The following LDLRAD4 variants were observed in gnomAD, a reference collection of about 807,000 sequenced individuals.
LDLRAD4 encodes the protein low density lipoprotein receptor class A domain containing 4.
In LDLRAD4, 5 loss-of-function variants were observed where a neutral mutation model predicts 17.0. The observed-to-expected ratio is 0.29, with a 90% CI of 0.15 to 0.62. The LOEUF is 0.62. LDLRAD4 is among the 20% of genes least tolerant of loss of function. The pLI, the probability that LDLRAD4 is intolerant of heterozygous loss-of-function variation, is 0.84. For missense variants in LDLRAD4, 340 were observed against 424.7 expected, an observed-to-expected ratio of 0.80 and a Z score of 1.75; for synonymous variants, 168 against 171.8, an observed-to-expected ratio of 0.98 and a Z score of 0.17.
chr18:13,625,740 A>G (rs969180691), intron 4 of LDLRAD4, among the ~76,000 whole-genome samples: 6 of 8,564 alleles, frequency 7.0e-4, no homozygotes, highest in African/African-American at 2.8e-3. Context: ...TCCTCCCCCC[A>G]CCAGAGCCCT....
At position 13,224,627 on chromosome 18, in the gene LDLRAD4, G is replaced by A. The variant is rs563732110; in HGVS notation, c.-467+5639G>A. Among the ~76,000 whole-genome samples, 8 of 151,586 alleles carry A rather than the reference G, an allele frequency of 5.3e-5. No homozygotes were observed. In the East Asian group the frequency reaches 1.6e-3, roughly 29 times the overall value. ...CCCGAGTAGCTGGGATTACAGGCAC[G>A]TGCCACCACGCCCGGCTAATTTTTT... On this transcript the variant is annotated intron_variant, in intron 1 of 5. Coordinates refer to the LDLRAD4 transcript ENST00000399848.
At chr18:13,459,845 G>C (rs79318448) in intron 3 of LDLRAD4, 2,073 of 153,992 alleles carry the variant, frequency 0.013, 56 homozygotes, top group African/African-American at 0.047. Context: ...TAAGGAGCAC[G>C]TGCAGGATAT....
chr18:13,326,392 T>TA lies in LDLRAD4; in HGVS notation c.-383+48207dup, dbSNP rs372883059. On this transcript the variant is annotated intron_variant, in intron 1 of 5. Coordinates refer to ENST00000359446, the Ensembl canonical transcript of LDLRAD4. ...GAATGTTTGAAGAGAAAAAAGGGCG[T>TA]AAAGGAAGAATCAATTATGCAGATG... Among the ~76,000 whole-genome samples the TA allele has an allele frequency of 4.6e-4, 70 of 152,226 alleles. 2 individuals carry two copies. In the East Asian group the frequency reaches 0.012, roughly 26 times the overall value.
chr18:13,506,228 T>A (rs8092693), intron 3 of LDLRAD4, among the ~76,000 whole-genome samples: 27,854 of 151,884 alleles, frequency 0.18, 3,138 homozygotes, highest in Middle Eastern at 0.38. Flanking sequence ...CTTTTTTTTT[T>A]TTATTATTAT....
chr18:13,481,316 C>T (rs1164900952), intron 3 of LDLRAD4, among the ~76,000 whole-genome samples: 1 of 152,214 alleles, frequency 6.6e-6, no homozygotes, highest in Non-Finnish European at 1.5e-5. Flanking sequence ...ACTTCCCTCT[C>T]CTGTGCCTCA....
intron 1 of LDLRAD4, among the ~76,000 whole-genome samples, chr18:13,311,507 A>G (rs2047230948): frequency 6.6e-6 from 1 of 152,228 alleles, no homozygotes; most frequent in South Asian, 2.1e-4. Flanking sequence ...GTGTCCTCTG[A>G]GGATGAGTGT....
intron 1 of LDLRAD4, among the ~76,000 whole-genome samples, chr18:13,292,316 A>C (rs763352247): frequency 2.7e-4 from 41 of 152,214 alleles, no homozygotes; most frequent in Non-Finnish European, 4.7e-4. Flanking sequence ...TGCCCTGGGC[A>C]TATTTGTGGC....
chr18:13,643,117 G>A (rs542747525), intron 4 of LDLRAD4, among the ~76,000 whole-genome samples: 1 of 151,990 alleles, frequency 6.6e-6, no homozygotes, highest in African/African-American at 2.4e-5. Flanking sequence ...TGTATTTTTA[G>A]TAGAGACGGG....
chr18:13,510,493 CT>C (rs949406771), intron 3 of LDLRAD4, among the ~76,000 whole-genome samples: 5 of 147,088 alleles, frequency 3.4e-5, no homozygotes, highest in African/African-American at 1.3e-4. Context: ...TAGAAATCAT[CT>C]TTGATATAAT....
At chr18:13,567,604 G>C (rs1283830236) in intron 3 of LDLRAD4, among the ~76,000 whole-genome samples, 1 of 152,160 alleles carries the variant, frequency 6.6e-6, no homozygotes, top group Non-Finnish European at 1.5e-5. Context: ...ACAAAACCAA[G>C]AGTTCTCTCT....
At chr18:13,613,557 A>C (rs1425077163) in intron 3 of LDLRAD4, 1 of 152,224 alleles carries the variant, frequency 6.6e-6, no homozygotes, top group African/African-American at 2.4e-5. Flanking sequence ...TTTTTTAGAA[A>C]ATCCTGTCAG....
Position 13,619,790 on chromosome 18 carries a change from T to A in LDLRAD4, c.182-1327T>A, listed in dbSNP as rs1162814637. Among the ~76,000 whole-genome samples the A allele has an allele frequency of 2.0e-5, 3 of 152,010 alleles. No individual in the cohort carries two copies. The East Asian group carries it at 5.8e-4, about 29-fold the overall frequency. ...CTTTGTCCGTGTCCACAGGGAACAG[T>A]GATGTTCCCACCAGCCTGGCCTCTC... On this transcript the variant is annotated intron_variant, in intron 3 of 5. Transcript: ENST00000359446.
chr18:13,286,557 G>A (rs1039440781), intron 1 of LDLRAD4, among the ~76,000 whole-genome samples: 1 of 152,196 alleles, frequency 6.6e-6, no homozygotes, highest in Non-Finnish European at 1.5e-5. Flanking sequence ...ATGTTTTGTA[G>A]AGATGAGGTC....
chr18:13,256,970 TTC>T lies in LDLRAD4; in HGVS notation c.-466-21131_-466-21130del, dbSNP rs565551308. On this transcript the variant is annotated intron_variant, in intron 1 of 5. Coordinates refer to the LDLRAD4 transcript ENST00000399848. ...TGTCTGTTTTCTTTTCCTTAAACAT[TTC>T]TCTTGTCAGAGTGATGAGAAAATTG... Among the ~76,000 whole-genome samples, 607 of 152,398 alleles carry T rather than the reference TTC, an allele frequency of 4.0e-3. 2 individuals are homozygous for T. The highest frequency in any genetic ancestry group is 0.014 in the African/African-American group (582 of 41,598).
chr18:13,515,883 G>C (rs187779079), intron 3 of LDLRAD4: 1 of 152,268 alleles, frequency 6.6e-6, no homozygotes, highest in East Asian at 1.9e-4. Context: ...CACAATTATA[G>C]CTGACTGCAG....
intron 3 of LDLRAD4, among the ~76,000 whole-genome samples, chr18:13,576,630 C>G (rs572427796): frequency 6.6e-6 from 1 of 152,292 alleles, no homozygotes; most frequent in African/African-American, 2.4e-5. Context: ...CAGTCAACCC[C>G]TGGTTCTCTT....
intron 3 of LDLRAD4, chr18:13,461,424 G>C (rs1486077405): frequency 2.0e-5 from 3 of 152,266 alleles, no homozygotes; most frequent in Non-Finnish European, 4.4e-5. Context: ...TGAAGAAGGA[G>C]AGTGTGTGTT....
intron 3 of LDLRAD4, chr18:13,488,904 C>T (rs996877794): frequency 3.3e-5 from 5 of 152,232 alleles, no homozygotes; most frequent in Non-Finnish European, 5.9e-5. Flanking sequence ...AGCCAGCATC[C>T]AGGCTCTTGA....
chr18:13,529,245 C>T (rs2094087775), intron 3 of LDLRAD4, among the ~76,000 whole-genome samples: 1 of 152,228 alleles, frequency 6.6e-6, no homozygotes, highest in Admixed American at 6.5e-5. Context: ...GGCCCATGTA[C>T]CATAGTGGTG....
Sources: gnomAD v4.1 joint callset for allele counts (sites outside exome capture counted in the v4.1 genomes callset) on GRCh38, gnomAD v4.1.1 for gene constraint, MANE v1.5 for transcripts, NCBI Gene and HGNC (gene_info 2026-07-23, HGNC 2026-07-21) for gene names.